ZFP64: variants seen among roughly 807,000 people sequenced by gnomAD.
The protein encoded by ZFP64 is zinc finger protein 64.
A neutral mutation model predicts 51.6 loss-of-function variants in ZFP64; 14 were observed. The ratio of observed to expected loss-of-function variants is 0.27; its 90% CI spans 0.18 to 0.42. The LOEUF is 0.42. Ranked by LOEUF, ZFP64 falls within the 10% of genes least tolerant of loss-of-function variation. The pLI is 1.00. For synonymous variants in ZFP64, 375 were observed against 361.4 expected, an observed-to-expected ratio of 1.04 and a Z score of -0.43; for missense variants, 754 against 906.8, an observed-to-expected ratio of 0.83 and a Z score of 2.16.
chr20:52,139,852 T>G (rs1267326344), intron 5 of ZFP64, among the ~76,000 whole-genome samples: 1 of 151,088 alleles, frequency 6.6e-6, no homozygotes, highest in East Asian at 1.9e-4. Flanking sequence ...TGAGTTGTTT[T>G]TTTTTTTTTT....
chr20:52,159,194 G>A (rs1256076950), intron 5 of ZFP64, among the ~76,000 whole-genome samples: 1 of 152,214 alleles, frequency 6.6e-6, no homozygotes, highest in Non-Finnish European at 1.5e-5. Flanking sequence ...ACAACACTGA[G>A]ATTTCATGGT....
chr20:52,178,557 T>C (rs148766294), intron 2 of ZFP64, among the ~76,000 whole-genome samples: 1 of 152,284 alleles, frequency 6.6e-6, no homozygotes, highest in African/African-American at 2.4e-5. Flanking sequence ...ACTCATGTGT[T>C]CAAGAACTTT....
chr20:52,121,951 C>T (rs1182328323), intron 5 of ZFP64, among the ~76,000 whole-genome samples: 1 of 152,214 alleles, frequency 6.6e-6, no homozygotes, highest in African/African-American at 2.4e-5. Context: ...TCTACTCCAC[C>T]TGTGCTCTAG....
In ZFP64 at chr20:52,134,197, A is replaced by AT. The variant is rs980410496; in HGVS notation, c.763+25925dup. 2.0e-5 allele frequency among the ~76,000 whole-genome samples: 3 copies of AT among 152,148 alleles called. No homozygotes were observed. The East Asian group carries it at 5.8e-4, about 29-fold the overall frequency. On this transcript the variant is annotated intron_variant, in intron 5 of 8. Transcript: ENST00000361387. Reference sequence around the variant, plus strand: ...TAAGTCCCTGTATTTGTAATTTTACATTTTTTAAAAAAAATACACTTCAGG... The same window carrying AT: ...TAAGTCCCTGTATTTGTAATTTTACATTTTTTTAAAAAAAATACACTTCAGG...
rs1474520863 is a variant in ZFP64, at chr20:52,152,510, G to A, written c.1682C>T (p.Ala561Val). The change falls in exon 6 of 6, where the codon GCG becomes GTG. Residue 561 changes from alanine (A) to valine (V), a missense_variant. By Grantham distance (64) the Ala-to-Val change is moderately conservative. Coordinates refer to ENST00000216923, the MANE Select transcript of ZFP64 (RefSeq NM_018197.3). Reference protein sequence around the residue: ...PPQSSRCPSEAGAMTQPAVLL... With the variant: ...PPQSSRCPSEVGAMTQPAVLL... Reference sequence around the variant, plus strand: ...GACAGCCGGCTGGGTCATTGCGCCCGCCTCGCTCGGACACCGCGAGGACTG... The same window carrying A: ...GACAGCCGGCTGGGTCATTGCGCCCACCTCGCTCGGACACCGCGAGGACTG... 1 of 1,605,860 alleles carries A rather than the reference G, an allele frequency of 6.2e-7. No individual in the cohort carries two copies. The highest frequency in any genetic ancestry group is 8.5e-7 in the Non-Finnish European group (1 of 1,176,718).
At chr20:52,110,614 G>A (rs1978509448) in intron 5 of ZFP64, 2 of 874,354 alleles carry the variant, frequency 2.3e-6, no homozygotes, top group Non-Finnish European at 3.6e-6. Context: ...CACGCCAGAG[G>A]CCCTGATGAA....
chr20:52,088,485 T>C, exon 8 of ZFP64: 5 of 1,614,154 alleles, frequency 3.1e-6, no homozygotes, highest in Non-Finnish European at 4.2e-6. Flanking sequence ...TCAGAGTGGA[T>C]CCGCAGGTGC....
At chr20:52,143,510 T>C (rs1054731806) in intron 5 of ZFP64, among the ~76,000 whole-genome samples, 1 of 142,654 alleles carries the variant, frequency 7.0e-6, no homozygotes. Flanking sequence ...GTGCTCTTTA[T>C]TGTTGTTTTT....
chr20:52,178,344 G>A (rs568218146), intron 2 of ZFP64, among the ~76,000 whole-genome samples: 1 of 152,298 alleles, frequency 6.6e-6, no homozygotes, highest in Admixed American at 6.5e-5. Context: ...ATCTGGACAA[G>A]TTATTTAACC....
At chr20:52,141,316 TG>T (rs1296448960) in intron 5 of ZFP64, among the ~76,000 whole-genome samples, 2 of 152,236 alleles carry the variant, frequency 1.3e-5, no homozygotes, top group African/African-American at 4.8e-5. Context: ...CTGATGCATC[TG>T]GGCAAAGTAA....
intron 7 of ZFP64, chr20:52,096,774 A>G (rs1307353891): frequency 9.7e-6 from 2 of 206,488 alleles, no homozygotes; most frequent in Non-Finnish European, 2.0e-5. Context: ...CTGTAATCCT[A>G]GCTATTCAGG....
chr20:52,166,662 C>T (rs1033127283), intron 2 of ZFP64, among the ~76,000 whole-genome samples: 6 of 151,964 alleles, frequency 3.9e-5, no homozygotes, highest in African/African-American at 7.3e-5. Context: ...CGCCATGCTG[C>T]GCGGGCTGGT....
chr20:52,177,277 G>A (rs553362728), intron 2 of ZFP64, among the ~76,000 whole-genome samples: 1 of 152,258 alleles, frequency 6.6e-6, no homozygotes, highest in African/African-American at 2.4e-5. Context: ...AGCAGCATTT[G>A]AGAACTGCCA....
At chr20:52,115,915 G>A (rs1163282978) in intron 5 of ZFP64, among the ~76,000 whole-genome samples, 1 of 151,972 alleles carries the variant, frequency 6.6e-6, no homozygotes, top group South Asian at 2.1e-4. Context: ...GCTCACGGCA[G>A]CCTCCATCTC....
intron 4 of ZFP64, among the ~76,000 whole-genome samples, chr20:52,164,350 C>T (rs1429787930): frequency 2.6e-5 from 4 of 152,252 alleles, no homozygotes; most frequent in South Asian, 2.1e-4. Context: ...CTAATCATTA[C>T]ACACACACAT....
rs1157735746 is a variant in ZFP64, at chr20:52,153,282, A to T, written c.910T>A (p.Ser304Thr). The change falls in exon 6 of 6, where the codon TCG (serine) becomes ACG (threonine). Residue 304 changes from serine to threonine, a missense_variant. Physicochemically the swap from Ser to Thr is moderately conservative, Grantham distance 58. This residue lies in a region of ZFP64 where 231 missense variants were observed against 336.7 expected (regional missense o/e 0.69). Coordinates refer to ENST00000216923, the MANE Select transcript of ZFP64 (RefSeq NM_018197.3). The surrounding 1 kb of genome is among the most constrained non-coding windows in gnomAD (Gnocchi z 5.1). Reference sequence around the variant, plus strand: ...CCGCTGTGCTTGATACGGATGTGCGACTTGAGGTTCCCCTTCATGGTGCAG... The same window carrying T: ...CCGCTGTGCTTGATACGGATGTGCGTCTTGAGGTTCCCCTTCATGGTGCAG... ...VRCTMKGNLK[S>T]HIRIKHSGNN... is the part of the protein sequence containing the mutation. 1 of 1,614,150 alleles carries T rather than the reference A, an allele frequency of 6.2e-7. No individual in the cohort carries two copies. Among genetic ancestry groups the T allele is most frequent in the Admixed American group, 1.7e-5 (1 of 60,022 alleles).
chr20:52,134,643 G>A (rs6096784), intron 5 of ZFP64, among the ~76,000 whole-genome samples: 55,530 of 151,888 alleles, frequency 0.37, 10,899 homozygotes, highest in Non-Finnish European at 0.42. Flanking sequence ...GACTTGGAAC[G>A]TTCCAGGAAG....
chr20:52,120,545 A>AGT (rs1220115066), intron 5 of ZFP64, among the ~76,000 whole-genome samples: 2 of 151,604 alleles, frequency 1.3e-5, no homozygotes, highest in Admixed American at 6.6e-5. Flanking sequence ...GCATCCAGCA[A>AGT]GTGTATCGGC....
rs760658852 is a variant in ZFP64 at position 52,165,978 on chromosome 20, G to A, written c.334C>T (p.Pro112Ser). 8 of 1,613,772 alleles carry A rather than the reference G, an allele frequency of 5.0e-6. No homozygotes were observed. The highest frequency in any genetic ancestry group is 6.8e-6 in the Non-Finnish European group (8 of 1,179,928). Residue 112 changes from proline to serine, a missense_variant, in exon 3 of 6, where the codon CCC (proline) becomes TCC (serine). Pro to Ser is a moderately conservative substitution (Grantham distance 74, BLOSUM62 -1). Coordinates refer to ENST00000216923, the MANE Select transcript of ZFP64 (RefSeq NM_018197.3). ...VFEHGYQTYL[P>S]TESNENQTAT... is the part of the protein sequence containing the mutation. ...GTCTGGTTTTCATTACTTTCCGTGG[G>A]CAGGTAAGTTTGATAGCCATGTTCA...
Sources: allele counts gnomAD v4.1 joint callset (sites outside exome capture counted in the v4.1 genomes callset), GRCh38; gene constraint gnomAD v4.1.1; regional missense constraint gnomAD v4.1.1; non-coding constraint Gnocchi (gnomAD v3.1); transcripts MANE v1.5; gene names NCBI Gene and HGNC (gene_info 2026-07-23, HGNC 2026-07-21).